The following LRFN5 variants were observed in gnomAD, a reference collection of about 807,000 sequenced individuals.
LRFN5 encodes leucine-rich repeat and fibronectin type-III domain-containing protein 5.
Under a neutral mutation model 45.6 loss-of-function variants are expected in LRFN5, and 24 were observed. The observed-to-expected ratio is 0.53, with a 90% CI of 0.38 to 0.74. The LOEUF (loss-of-function observed/expected upper bound fraction) is 0.74. Ranked by LOEUF, LRFN5 falls within the 30% of genes least tolerant of loss-of-function variation. The probability of loss-of-function intolerance (pLI) is 0.00; values close to 1 mark genes in which losing one functional copy is unlikely to be tolerated. For synonymous variants in LRFN5, 340 were observed against 313.8 expected, an observed-to-expected ratio of 1.08 and a Z score of -0.88; for missense variants, 776 against 861.5, an observed-to-expected ratio of 0.90 and a Z score of 1.24.
At chr14:41,790,316 G>A (rs1398088601) in intron 2 of LRFN5, among the ~76,000 whole-genome samples, 1 of 151,550 alleles carries the variant, frequency 6.6e-6, no homozygotes, top group Non-Finnish European at 1.5e-5. Flanking sequence ...TCCTATTTGA[G>A]TCTTATTTTT....
chr14:41,669,918 A>T (rs1881084986), intron 1 of LRFN5, among the ~76,000 whole-genome samples: 1 of 148,726 alleles, frequency 6.7e-6, no homozygotes, highest in African/African-American at 2.5e-5. Flanking sequence ...GTGGAAAAGC[A>T]TTCAAGCTAT....
In LRFN5 at chr14:41,891,804, C is replaced by A; in HGVS notation, c.1940C>A (p.Thr647Asn). 6.2e-7 allele frequency: 1 copy of A among 1,614,182 alleles called. No individual in the cohort carries two copies. Among genetic ancestry groups the A allele is most frequent in the Non-Finnish European group, 8.5e-7 (1 of 1,180,026 alleles). ...TSVSQKQKRK[T>N]GTKPSTEPQN... ...GTGTCCCAAAAGCAGAAAAGAAAGA[C>A]TGGCACAAAGCCAAGTACAGAACCA... Residue 647 changes from threonine to asparagine, a missense_variant, in exon 4 of 6, where the codon ACT (threonine) becomes AAT (asparagine). This residue lies in a region of LRFN5 where 465 missense variants were observed against 456.4 expected (regional missense o/e 1.02). Transcript: ENST00000298119.
At chr14:41,821,010 A>G (rs1888094032) in intron 2 of LRFN5, among the ~76,000 whole-genome samples, 2 of 152,040 alleles carry the variant, frequency 1.3e-5, no homozygotes, top group Admixed American at 6.6e-5. Context: ...AAAGTCTTTG[A>G]GAAGAATCTT....
chr14:41,607,669 C>G lies in LRFN5; in HGVS notation c.-1090C>G, dbSNP rs1037222416. 7 of 152,410 alleles carry G rather than the reference C, an allele frequency of 4.6e-5. No homozygotes were observed. The highest frequency in any genetic ancestry group is 1.0e-4 in the Non-Finnish European group (7 of 68,156). The allele number at this position is 152,410 out of a possible 1,614,324, so 9.4% of individuals were successfully genotyped here. A position where few individuals can be genotyped will look rare whatever the true frequency, so the allele number is the denominator to read the frequency against. ...TGCAGAGCTCTGAGGACGCCCAGACCCATTTTCCTGGCTGGATTTGGAGCG... is the reference window on the plus strand; with the variant it reads ...TGCAGAGCTCTGAGGACGCCCAGACGCATTTTCCTGGCTGGATTTGGAGCG... On this transcript the variant is annotated 5_prime_UTR_variant, in exon 1 of 6. Coordinates refer to ENST00000298119, the MANE Select transcript of LRFN5 (RefSeq NM_152447.5).
chr14:41,626,502 A>G (rs1179135687), intron 1 of LRFN5, among the ~76,000 whole-genome samples: 1 of 152,026 alleles, frequency 6.6e-6, no homozygotes, highest in Non-Finnish European at 1.5e-5. Flanking sequence ...TTTTATGGAG[A>G]GAGTACCTGT....
At chr14:41,864,410 C>G (rs1049386914) in intron 2 of LRFN5, among the ~76,000 whole-genome samples, 1 of 152,136 alleles carries the variant, frequency 6.6e-6, no homozygotes, top group Non-Finnish European at 1.5e-5. Flanking sequence ...ATTTGCATTT[C>G]TCTAATGACA....
chr14:41,889,102 A>G (rs1181319373), intron 3 of LRFN5, among the ~76,000 whole-genome samples: 1 of 83,140 alleles, frequency 1.2e-5, no homozygotes, highest in Admixed American at 1.2e-4. Context: ...ATATGTCTAT[A>G]TATATATGTC....
intron 1 of LRFN5, among the ~76,000 whole-genome samples, chr14:41,617,875 G>C (rs1245537944): frequency 6.6e-6 from 1 of 152,098 alleles, no homozygotes; most frequent in African/African-American, 2.4e-5. Flanking sequence ...GCAATATCAT[G>C]ATGGGGTGAA....
intron 1 of LRFN5, among the ~76,000 whole-genome samples, chr14:41,670,300 T>C (rs1479340595): frequency 7.9e-4 from 22 of 27,820 alleles, no homozygotes; most frequent in African/African-American, 3.1e-3. Flanking sequence ...TATATATATA[T>C]ATATACACAC....
chr14:41,650,236 T>C (rs1034646262), intron 1 of LRFN5, among the ~76,000 whole-genome samples: 9 of 128,168 alleles, frequency 7.0e-5, no homozygotes, highest in Non-Finnish European at 1.5e-4. Flanking sequence ...TCTACAAAAA[T>C]ACACACACAC....
chr14:41,793,148 T>C (rs1369976588), intron 2 of LRFN5, among the ~76,000 whole-genome samples: 3 of 150,674 alleles, frequency 2.0e-5, no homozygotes, highest in Non-Finnish European at 4.4e-5. Context: ...TAAAGTATAA[T>C]TAAAAAAAAA....
At chr14:41,683,938 A>G (rs987489430) in intron 1 of LRFN5, among the ~76,000 whole-genome samples, 8 of 152,202 alleles carry the variant, frequency 5.3e-5, no homozygotes, top group African/African-American at 1.9e-4. Flanking sequence ...ACAGAAATAG[A>G]AAAAACAATC....
At chr14:41,806,566 C>G (rs1458710345) in intron 2 of LRFN5, among the ~76,000 whole-genome samples, 7 of 152,086 alleles carry the variant, frequency 4.6e-5, no homozygotes, top group Non-Finnish European at 1.0e-4. Context: ...CTGAGTACTT[C>G]TAAATAATAA....
rs543929421 is a variant in LRFN5, at chr14:41,785,356, C to A, written c.-21+18327C>A. ...GGTTCATTTTTCTCTTCTTTTCTTG[C>A]CTTCTTTGAAAATAATTTGAGTATT... On this transcript the variant is annotated intron_variant, in intron 2 of 5. Coordinates refer to ENST00000298119, the MANE Select transcript of LRFN5 (RefSeq NM_152447.5). Among the ~76,000 whole-genome samples, 6 of 152,008 alleles carry A rather than the reference C, an allele frequency of 3.9e-5. No homozygotes were observed. The East Asian group carries it at 9.7e-4, about 25-fold the overall frequency.
At chr14:41,816,262 T>C (rs1887913693) in intron 2 of LRFN5, among the ~76,000 whole-genome samples, 1 of 152,102 alleles carries the variant, frequency 6.6e-6, no homozygotes, top group Admixed American at 6.6e-5. Flanking sequence ...CACACACATA[T>C]ATATATGCAT....
At chr14:41,812,041 C>A (rs367787443) in intron 2 of LRFN5, among the ~76,000 whole-genome samples, 1 of 151,844 alleles carries the variant, frequency 6.6e-6, no homozygotes, top group Non-Finnish European at 1.5e-5. Flanking sequence ...CAGCACAAAG[C>A]GTGAAAAGTT....
chr14:41,900,981 A>AT (rs1257146298), intron 5 of LRFN5, among the ~76,000 whole-genome samples: 1 of 151,974 alleles, frequency 6.6e-6, no homozygotes, highest in Non-Finnish European at 1.5e-5. Context: ...GTTAAGGTGA[A>AT]TTTTTTTCTA....
chr14:41,793,721 A>T (rs1887019441), intron 2 of LRFN5, among the ~76,000 whole-genome samples: 1 of 152,002 alleles, frequency 6.6e-6, no homozygotes, highest in Admixed American at 6.6e-5. Flanking sequence ...ATAGAACTAA[A>T]TAGTCACACT....
chr14:41,825,527 C>G (rs1350170361), intron 2 of LRFN5, among the ~76,000 whole-genome samples: 4 of 152,208 alleles, frequency 2.6e-5, no homozygotes, highest in African/African-American at 9.6e-5. Flanking sequence ...CACTCTCTTT[C>G]CCCAAGAACT....
Sources: allele counts gnomAD v4.1 joint callset (sites outside exome capture counted in the v4.1 genomes callset), GRCh38; gene constraint gnomAD v4.1.1; regional missense constraint gnomAD v4.1.1; transcripts MANE v1.5; gene names NCBI Gene and HGNC (gene_info 2026-07-23, HGNC 2026-07-21).